PARN: variants seen among roughly 807,000 people sequenced by gnomAD.
PARN encodes the protein poly(A)-specific ribonuclease PARN.
PARN carries 71 observed loss-of-function variants against 102.8 expected under a neutral mutation model. The observed-to-expected ratio is 0.69, with a 90% CI of 0.57 to 0.84. The LOEUF (loss-of-function observed/expected upper bound fraction) is 0.84, where lower values mean the gene tolerates loss of function less well. Among genes scored for constraint, PARN ranks in the 40% least tolerant of loss-of-function variants. The pLI is 0.00. For missense variants in PARN, 782 were observed against 760.9 expected, an observed-to-expected ratio of 1.03 and a Z score of -0.33; for synonymous variants, 261 against 252.9, an observed-to-expected ratio of 1.03 and a Z score of -0.30.
chr16:14,535,255 G>A (rs547330407), intron 21 of PARN, among the ~76,000 whole-genome samples: 1 of 152,256 alleles, frequency 6.6e-6, no homozygotes, highest in East Asian at 1.9e-4. Flanking sequence ...AGGTGCTCAG[G>A]TCACCACTGC....
intron 21 of PARN, among the ~76,000 whole-genome samples, chr16:14,507,537 A>G (rs1964960018): frequency 1.3e-5 from 2 of 151,660 alleles, no homozygotes; most frequent in African/African-American, 4.8e-5. Context: ...TCTATTAAAA[A>G]TACAAAAAAG....
At chr16:14,614,846 C>CAAAAAAAAAAAAAAAAAAA (rs57502376) in intron 6 of PARN, among the ~76,000 whole-genome samples, 17 of 37,658 alleles carry the variant, frequency 4.5e-4, no homozygotes, top group Non-Finnish European at 6.0e-4. Flanking sequence ...GAAACTGTCT[C>CAAAAAAAAAAAAAAAAAAA]AAAAAAAAAA....
At chr16:14,468,878 A>AATAGATAGATAGATAG (rs59011829) in intron 22 of PARN, among the ~76,000 whole-genome samples, 70 of 139,718 alleles carry the variant, frequency 5.0e-4, no homozygotes, top group East Asian at 6.3e-4. Context: ...CCCATTACTA[A>AATAGATAGATAGATAG]ATAGATAGAT....
intron 22 of PARN, among the ~76,000 whole-genome samples, chr16:14,457,797 CAAAAAAAA>C (rs35170336): frequency 3.6e-3 from 109 of 30,160 alleles, no homozygotes; most frequent in East Asian, 0.016. Flanking sequence ...GACTCTGTCT[CAAAAAAAA>C]AAAAAAAAAA....
intron 11 of PARN, chr16:14,601,765 A>G (rs578052204): frequency 1.3e-5 from 2 of 151,932 alleles, no homozygotes; most frequent in East Asian, 3.9e-4. Context: ...TCTACTAAAA[A>G]TACAAAAATT....
At chr16:14,485,575 G>T (rs1481793645) in intron 21 of PARN, among the ~76,000 whole-genome samples, 1 of 151,958 alleles carries the variant, frequency 6.6e-6, no homozygotes, top group Non-Finnish European at 1.5e-5. Context: ...GGACATATGA[G>T]AACCCATTGG....
chr16:14,537,067 T>C (rs767357148), intron 21 of PARN, among the ~76,000 whole-genome samples: 3 of 152,084 alleles, frequency 2.0e-5, no homozygotes, highest in Non-Finnish European at 4.4e-5. Flanking sequence ...ATTCAGAATA[T>C]ACAAGAACTC....
intron 6 of PARN, 135 bp from the exon 7 acceptor site, chr16:14,610,944 G>T (rs1370505074): frequency 9.5e-6 from 6 of 630,628 alleles, no homozygotes; most frequent in Non-Finnish European, 1.4e-5. Context: ...TGAACAGAAA[G>T]GCAAATGATT....
At chr16:14,587,607 T>C (rs1427017568) in intron 13 of PARN, among the ~76,000 whole-genome samples, 1 of 152,210 alleles carries the variant, frequency 6.6e-6, no homozygotes, top group Non-Finnish European at 1.5e-5. Context: ...TAGCAGGCAC[T>C]GCAGGTATGC....
At chr16:14,451,843 T>TAA (rs1184998225) in intron 22 of PARN, among the ~76,000 whole-genome samples, 169 of 54,578 alleles carry the variant, frequency 3.1e-3, no homozygotes, top group African/African-American at 5.8e-3. Context: ...ACCCCGTCTC[T>TAA]AAAAAAAAAA....
chr16:14,579,222 T>TCAGC (rs1969352145), intron 18 of PARN, among the ~76,000 whole-genome samples: 1 of 152,180 alleles, frequency 6.6e-6, no homozygotes, highest in Non-Finnish European at 1.5e-5. Context: ...CCCGCCTTGT[T>TCAGC]CTCCCAAAGT....
intron 12 of PARN, among the ~76,000 whole-genome samples, chr16:14,597,696 CAAA>C (rs147618787): frequency 1.7e-5 from 2 of 115,018 alleles, no homozygotes; most frequent in African/African-American, 3.3e-5. Flanking sequence ...GACTCCATCT[CAAA>C]AAAAAAAAAA....
intron 5 of PARN, among the ~76,000 whole-genome samples, chr16:14,624,543 G>A (rs190460919): frequency 5.3e-5 from 8 of 152,258 alleles, no homozygotes; most frequent in Admixed American, 5.2e-4. Flanking sequence ...GTACAATCAT[G>A]GTTTGTACAA....
chr16:14,441,530 T>C (rs1390825637), intron 23 of PARN, among the ~76,000 whole-genome samples: 6 of 152,182 alleles, frequency 3.9e-5, no homozygotes, highest in Non-Finnish European at 5.9e-5. Flanking sequence ...TGCACTCAAG[T>C]TTCTAACTAG....
intron 22 of PARN, among the ~76,000 whole-genome samples, chr16:14,481,044 A>T (rs963790997): frequency 1.3e-5 from 2 of 152,358 alleles, no homozygotes; most frequent in Non-Finnish European, 2.9e-5. Context: ...ATAAAATGGC[A>T]TATCAAACTT....
At chr16:14,629,725 A>AAGGGGAGAGGGAAGG (rs1311250522) in intron 1 of PARN, 51 bp from the exon 2 acceptor site, 9 of 1,375,746 alleles carry the variant, frequency 6.5e-6, no homozygotes, top group Non-Finnish European at 2.1e-6. Flanking sequence ...AATTCCTGCT[A>AAGGGGAGAGGGAAGG]AGGGGAGAGG....
At chr16:14,624,399 G>C (rs1393952097) in intron 5 of PARN, among the ~76,000 whole-genome samples, 4 of 152,124 alleles carry the variant, frequency 2.6e-5, no homozygotes, top group East Asian at 1.9e-4. Context: ...CTCTGCCTTT[G>C]CTTTTCCACA....
chr16:14,511,227 G>A (rs1189660131), intron 21 of PARN, among the ~76,000 whole-genome samples: 3 of 152,190 alleles, frequency 2.0e-5, no homozygotes, highest in Non-Finnish European at 2.9e-5. Flanking sequence ...TCCATGAGTT[G>A]ACACAGGGTG....
At chr16:14,467,692 C>T (rs1034493988) in intron 22 of PARN, among the ~76,000 whole-genome samples, 6 of 152,196 alleles carry the variant, frequency 3.9e-5, no homozygotes, top group African/African-American at 1.4e-4. Flanking sequence ...ATACTCCTAC[C>T]TTCAGGTGGC....
Sources: allele counts gnomAD v4.1 joint callset (sites outside exome capture counted in the v4.1 genomes callset), GRCh38; gene constraint gnomAD v4.1.1; transcripts MANE v1.5; gene names NCBI Gene and HGNC (gene_info 2026-07-23, HGNC 2026-07-21).